Variants in CLPB observed in about 807,000 individuals in gnomAD.
CLPB encodes mitochondrial disaggregase.
In CLPB, 40 loss-of-function variants were observed where a neutral mutation model predicts 78.4. The observed-to-expected ratio is 0.51, with a 90% CI of 0.40 to 0.66. The LOEUF (loss-of-function observed/expected upper bound fraction) is 0.66, where lower values mean the gene tolerates loss of function less well. Among genes scored for constraint, CLPB ranks in the 30% least tolerant of loss-of-function variants. The pLI is 0.00. For missense variants in CLPB, 780 were observed against 886.9 expected, an observed-to-expected ratio of 0.88 and a Z score of 1.53; for synonymous variants, 333 against 348.0, an observed-to-expected ratio of 0.96 and a Z score of 0.48.
At chr11:72,433,580 TAAATA>T (rs1856610963) in intron 1 of CLPB, among the ~76,000 whole-genome samples, 1 of 145,222 alleles carries the variant, frequency 6.9e-6, no homozygotes, top group African/African-American at 2.8e-5. Context: ...AATAAATAAA[TAAATA>T]AATAAATTGA....
chr11:72,333,446 G>A (rs1479614118), intron 5 of CLPB, among the ~76,000 whole-genome samples: 1 of 152,188 alleles, frequency 6.6e-6, no homozygotes, highest in Non-Finnish European at 1.5e-5. Flanking sequence ...TATATTTCAC[G>A]ACTGTTCTGT....
Position 72,373,960 on chromosome 11 carries a change from CAAAAA to C in CLPB, c.646+6316_646+6320del, listed in dbSNP as rs35682727. Among the ~76,000 whole-genome samples the C allele has an allele frequency of 3.7e-5, 3 of 80,558 alleles. No individual in the cohort carries two copies. In the East Asian group the frequency reaches 1.0e-3, roughly 28 times the overall value. 52.8% of individuals were successfully genotyped at this position (80,558 alleles called of 152,430 possible). ...GGGTAACAAGAGCGAAACTCTGTCT[CAAAAA>C]AAAAAAAAAAAAAAAAAGAACATTA... On this transcript the variant is annotated intron_variant, in intron 4 of 15. Transcript: ENST00000538039.
At chr11:72,313,215 G>C (rs1949878880) in intron 7 of CLPB, among the ~76,000 whole-genome samples, 1 of 152,162 alleles carries the variant, frequency 6.6e-6, no homozygotes, top group African/African-American at 2.4e-5. Flanking sequence ...TCATGGTTGA[G>C]AGTCATACAA....
At chr11:72,353,464 T>C (rs1950650523) in intron 5 of CLPB, among the ~76,000 whole-genome samples, 5 of 151,890 alleles carry the variant, frequency 3.3e-5, no homozygotes, top group Admixed American at 2.0e-4. Context: ...CATTAGGAAA[T>C]TAAGAGTCGG....
At chr11:72,340,291 G>A (rs995192795) in intron 5 of CLPB, among the ~76,000 whole-genome samples, 1 of 152,208 alleles carries the variant, frequency 6.6e-6, no homozygotes, top group African/African-American at 2.4e-5. Context: ...TTGGATGGAG[G>A]AGGTCGATAC....
intron 7 of CLPB, among the ~76,000 whole-genome samples, chr11:72,314,317 G>C (rs1949902261): frequency 6.6e-6 from 1 of 152,214 alleles, no homozygotes; most frequent in African/African-American, 2.4e-5. Flanking sequence ...GGTATGTGCA[G>C]GCTGACCTGC....
At chr11:72,322,161 G>T (rs748002508) in intron 6 of CLPB, among the ~76,000 whole-genome samples, 1 of 152,094 alleles carries the variant, frequency 6.6e-6, no homozygotes, top group Non-Finnish European at 1.5e-5. Context: ...GAGGAAGGCC[G>T]AAAACAAAGC....
At chr11:72,416,735 C>CAA (rs35655496) in intron 2 of CLPB, among the ~76,000 whole-genome samples, 13 of 50,518 alleles carry the variant, frequency 2.6e-4, no homozygotes, top group South Asian at 1.3e-3. Context: ...GACTCCGTCT[C>CAA]AAAAAAAAAA....
In CLPB at chr11:72,293,350, G is replaced by C. The variant is rs773986961; in HGVS notation, c.*17C>G. The stretch of plus-strand genomic sequence containing the variant: ...TTTATTGGATGGTGAGGGCACATAG[G>C]AGCAGGCAGGTGGCTGCTAGATGGT... On this transcript the variant is annotated 3_prime_UTR_variant, in exon 16 of 16. Transcript: ENST00000538039. 1 of 1,610,714 alleles carries C rather than the reference G, an allele frequency of 6.2e-7. No individual in the cohort carries two copies. Among genetic ancestry groups the C allele is most frequent in the Non-Finnish European group, 8.5e-7 (1 of 1,177,522 alleles).
At chr11:72,388,290 G>A (rs1054791100) in intron 3 of CLPB, among the ~76,000 whole-genome samples, 5 of 134,038 alleles carry the variant, frequency 3.7e-5, no homozygotes, top group South Asian at 2.3e-4. Context: ...TCGCTTTGTC[G>A]CCCAGGCTGG....
chr11:72,415,737 A>C (rs1856002891), intron 2 of CLPB, among the ~76,000 whole-genome samples: 1 of 152,210 alleles, frequency 6.6e-6, no homozygotes, highest in African/African-American at 2.4e-5. Flanking sequence ...GCCGATTACA[A>C]GCTTAACAGA....
At chr11:72,355,617 T>G (rs1950698247) in intron 5 of CLPB, among the ~76,000 whole-genome samples, 1 of 152,220 alleles carries the variant, frequency 6.6e-6, no homozygotes, top group East Asian at 1.9e-4. Context: ...GCAACACAGC[T>G]AATAGGTGGG....
intron 6 of CLPB, among the ~76,000 whole-genome samples, chr11:72,328,717 G>A (rs893290709): frequency 9.9e-5 from 15 of 152,202 alleles, no homozygotes; most frequent in Admixed American, 3.3e-4. Context: ...TCCAGTCCCC[G>A]TCCTGCCACT....
intron 3 of CLPB, among the ~76,000 whole-genome samples, chr11:72,381,173 C>T (rs1367979832): frequency 6.6e-6 from 1 of 152,190 alleles, no homozygotes; most frequent in East Asian, 1.9e-4. Context: ...TCTCCCCTTA[C>T]CCATATCACC....
At chr11:72,397,683 T>C (rs538778137) in intron 3 of CLPB, among the ~76,000 whole-genome samples, 1 of 152,332 alleles carries the variant, frequency 6.6e-6, no homozygotes, top group East Asian at 1.9e-4. Context: ...TTTGCCCATT[T>C]AAAAAAATTA....
At chr11:72,429,974 A>C (rs1856498261) in intron 2 of CLPB, among the ~76,000 whole-genome samples, 1 of 152,248 alleles carries the variant, frequency 6.6e-6, no homozygotes, top group Non-Finnish European at 1.5e-5. Context: ...GGCAGCAAGC[A>C]GTAATACATG....
intron 3 of CLPB, among the ~76,000 whole-genome samples, chr11:72,392,039 T>C (rs1855268366): frequency 6.6e-6 from 1 of 151,866 alleles, no homozygotes; most frequent in Non-Finnish European, 1.5e-5. Flanking sequence ...CGAGAAAACC[T>C]ATGGTGTGAG....
chr11:72,321,297 C>G (rs1289763700), intron 6 of CLPB, among the ~76,000 whole-genome samples: 1 of 152,086 alleles, frequency 6.6e-6, no homozygotes, highest in Non-Finnish European at 1.5e-5. Flanking sequence ...TGAGAGGCAC[C>G]GTAAAGGAGC....
rs564746036 is a variant in CLPB at position 72,427,225 on chromosome 11, T to C, written c.455+3087A>G. On this transcript the variant is annotated intron_variant, in intron 2 of 15. Coordinates refer to ENST00000538039, the MANE Select transcript of CLPB (RefSeq NM_001258392.3). ...AGCATTAGGCTGCTGCCCTTCACTA[T>C]CCAGAACTTTCCCAAGACTCTGGGG... Among the ~76,000 whole-genome samples the C allele has an allele frequency of 7.2e-5, 11 of 152,272 alleles. 1 individual carries two copies. The highest frequency in any genetic ancestry group is 2.4e-4 in the African/African-American group (10 of 41,538).
Sources: gnomAD v4.1 joint callset for allele counts (sites outside exome capture counted in the v4.1 genomes callset) on GRCh38, gnomAD v4.1.1 for gene constraint, MANE v1.5 for transcripts, NCBI Gene and HGNC (gene_info 2026-07-23, HGNC 2026-07-21) for gene names.